The following NGEF variants were observed in gnomAD, a reference collection of about 807,000 sequenced individuals.
NGEF encodes the protein neuronal guanine nucleotide exchange factor.
A neutral mutation model predicts 80.9 loss-of-function variants in NGEF; 31 were observed. The observed-to-expected ratio is 0.38, with a 90% CI of 0.29 to 0.52. The LOEUF (loss-of-function observed/expected upper bound fraction) is 0.52. Ranked by LOEUF, NGEF falls within the 20% of genes least tolerant of loss-of-function variation. The pLI, the probability that NGEF is intolerant of heterozygous loss-of-function variation, is 0.84. For synonymous variants in NGEF, 371 were observed against 370.2 expected, an observed-to-expected ratio of 1.00 and a Z score of -0.03; for missense variants, 709 against 926.2, an observed-to-expected ratio of 0.77 and a Z score of 3.04.
At chr2:232,928,193 A>T (rs1693130844) in intron 3 of NGEF, 2 of 858,256 alleles carry the variant, frequency 2.3e-6, no homozygotes, top group South Asian at 1.1e-4. Flanking sequence ...CGGGGTTGCC[A>T]CGGCAACGAG....
chr2:232,993,117 AT>A lies in NGEF; in HGVS notation c.-74-18154del, dbSNP rs1559238217. Among the ~76,000 whole-genome samples the A allele has an allele frequency of 1.2e-3, 47 of 40,328 alleles. 2 individuals carry two copies. The highest frequency in any genetic ancestry group is 1.4e-4 in the Non-Finnish European group (3 of 21,034). 26.5% of individuals were successfully genotyped at this position (40,328 alleles called of 152,430 possible). A position where few individuals can be genotyped will look rare whatever the true frequency, so the allele number is the denominator to read the frequency against. Reference sequence around the variant, plus strand: ...TATATAAATAAATAAATATATATATATAAATAAATATATATTTATTTATATA... The same window carrying A: ...TATATAAATAAATAAATATATATATAAAATAAATATATATTTATTTATATA... On this transcript the variant is annotated intron_variant, in intron 1 of 14. Transcript: ENST00000264051.
At chr2:232,962,408 G>T (rs1252466452) in intron 3 of NGEF, among the ~76,000 whole-genome samples, 1 of 151,870 alleles carries the variant, frequency 6.6e-6, no homozygotes, top group East Asian at 1.9e-4. Context: ...AATTAGCCAG[G>T]TGTGGTGGTG....
intron 1 of NGEF, among the ~76,000 whole-genome samples, chr2:233,003,325 G>A (rs1426978369): frequency 6.6e-6 from 1 of 152,138 alleles, no homozygotes; most frequent in Non-Finnish European, 1.5e-5. Context: ...AGCGCGGGGT[G>A]CTCTTTCCCT....
chr2:232,942,163 TC>T (rs999343749), intron 3 of NGEF, among the ~76,000 whole-genome samples: 16 of 152,138 alleles, frequency 1.1e-4, no homozygotes, highest in Non-Finnish European at 5.9e-5. Context: ...CTCCAGGAAG[TC>T]CCCCATCCCA....
chr2:232,923,038 C>T (rs997205829), intron 4 of NGEF, among the ~76,000 whole-genome samples: 2 of 151,932 alleles, frequency 1.3e-5, no homozygotes, highest in African/African-American at 4.8e-5. Flanking sequence ...CCACTTCACT[C>T]TAGCCTGGGC....
intron 12 of NGEF, among the ~76,000 whole-genome samples, chr2:232,882,562 G>T (rs1197114967): frequency 6.6e-6 from 1 of 152,366 alleles, no homozygotes; most frequent in African/African-American, 2.4e-5. Flanking sequence ...ACCAAGTAAC[G>T]CGTAAGAGCA....
intron 1 of NGEF, among the ~76,000 whole-genome samples, chr2:233,005,564 G>A (rs1447956018): frequency 6.6e-6 from 1 of 151,184 alleles, no homozygotes; most frequent in African/African-American, 2.5e-5. Flanking sequence ...TATTCACAAG[G>A]CTCCTTATAA....
chr2:233,004,968 AAC>A (rs760391578), intron 1 of NGEF, among the ~76,000 whole-genome samples: 22 of 150,396 alleles, frequency 1.5e-4, no homozygotes, highest in Admixed American at 3.3e-4. Context: ...TTAAACCAAA[AAC>A]AAAAAAAAGA....
At chr2:232,888,899 C>G (rs1420171269) in intron 8 of NGEF, among the ~76,000 whole-genome samples, 1 of 152,272 alleles carries the variant, frequency 6.6e-6, no homozygotes, top group African/African-American at 2.4e-5. Flanking sequence ...TGACATTGCT[C>G]TATAAACTCC....
chr2:232,964,863 G>C (rs910300220), intron 3 of NGEF, among the ~76,000 whole-genome samples: 1 of 152,200 alleles, frequency 6.6e-6, no homozygotes, highest in Non-Finnish European at 1.5e-5. Context: ...TTAGAAGATG[G>C]TTACGTCTGA....
At chr2:232,891,155 G>T (rs1436237801) in intron 8 of NGEF, among the ~76,000 whole-genome samples, 1 of 152,256 alleles carries the variant, frequency 6.6e-6, no homozygotes, top group Non-Finnish European at 1.5e-5. Flanking sequence ...TCCTGGCTGT[G>T]CATGGTTCGG....
chr2:232,886,274 GTGTA>G (rs1020302353), intron 9 of NGEF, among the ~76,000 whole-genome samples: 6 of 151,280 alleles, frequency 4.0e-5, no homozygotes, highest in Admixed American at 1.3e-4. Flanking sequence ...TGTAGGGGCC[GTGTA>G]TGTGTGTGTG....
chr2:232,965,736 G>A (rs115986678), intron 3 of NGEF, among the ~76,000 whole-genome samples: 19 of 152,098 alleles, frequency 1.2e-4, no homozygotes, highest in South Asian at 4.2e-4. Flanking sequence ...GACTTATCTC[G>A]CCATGGAGAT....
At chr2:232,882,348 G>T in intron 12 of NGEF, 83 bp from the exon 13 acceptor site, 7 of 1,248,912 alleles carry the variant, frequency 5.6e-6, no homozygotes, top group Non-Finnish European at 6.9e-6. Flanking sequence ...CCAGCTAGCT[G>T]CCCCTCGGAT....
intron 3 of NGEF, among the ~76,000 whole-genome samples, chr2:232,967,706 G>GGGGTGTGTGT (rs112187334): frequency 6.7e-6 from 1 of 148,348 alleles, no homozygotes. Context: ...ATAAAATAGG[G>GGGGTGTGTGT]GTGTGTGTGT....
intron 3 of NGEF, among the ~76,000 whole-genome samples, chr2:232,953,838 G>A (rs6707309): frequency 4.6e-4 from 70 of 152,216 alleles, no homozygotes; most frequent in African/African-American, 1.6e-3. Flanking sequence ...CCGGGGAAGC[G>A]GTGGCTAAAT....
At chr2:232,891,773 A>G (rs754912504) in intron 7 of NGEF, among the ~76,000 whole-genome samples, 1 of 152,240 alleles carries the variant, frequency 6.6e-6, no homozygotes, top group African/African-American at 2.4e-5. Context: ...CAGATGCACA[A>G]TTAGATGATT....
At chr2:232,989,416 T>C (rs1296682846) in intron 1 of NGEF, among the ~76,000 whole-genome samples, 2 of 152,168 alleles carry the variant, frequency 1.3e-5, no homozygotes, top group African/African-American at 4.8e-5. Flanking sequence ...CACTGCACTC[T>C]AGCCTGAGCA....
chr2:232,887,306 A>T (rs1001701674), intron 9 of NGEF, among the ~76,000 whole-genome samples: 3 of 152,212 alleles, frequency 2.0e-5, no homozygotes, highest in Non-Finnish European at 4.4e-5. Flanking sequence ...GGACTGAAAC[A>T]TACTCGCTGG....
Sources: gnomAD v4.1 joint callset for allele counts (sites outside exome capture counted in the v4.1 genomes callset) on GRCh38, gnomAD v4.1.1 for gene constraint, MANE v1.5 for transcripts, NCBI Gene and HGNC (gene_info 2026-07-23, HGNC 2026-07-21) for gene names.